The following CADM2 variants were observed in gnomAD, a reference collection of about 807,000 sequenced individuals.
The protein encoded by CADM2 is immunoglobulin superfamily member 4D.
In CADM2, 12 loss-of-function variants were observed where a neutral mutation model predicts 49.8. The observed-to-expected ratio is 0.24, with a 90% CI of 0.15 to 0.39. The LOEUF (loss-of-function observed/expected upper bound fraction) is 0.39, where lower values mean the gene tolerates loss of function less well. Among genes scored for constraint, CADM2 ranks in the 10% least tolerant of loss-of-function variants. The pLI is 1.00. For synonymous variants in CADM2, 214 were observed against 175.4 expected (o/e 1.22, Z -1.74); for missense variants, 378 against 492.3 (o/e 0.77, Z 2.20).
intron 2 of CADM2, among the ~76,000 whole-genome samples, chr3:85,786,719 G>T (rs961252736): frequency 7.9e-5 from 12 of 151,906 alleles, no homozygotes; most frequent in African/African-American, 2.7e-4. Context: ...CATGTCTAAG[G>T]CAGTATCTTA....
chr3:85,504,844 C>G (rs13084531), intron 1 of CADM2, among the ~76,000 whole-genome samples: 25,653 of 152,186 alleles, frequency 0.17, 2,678 homozygotes, highest in Non-Finnish European at 0.23. Context: ...TAAGGCCCGG[C>G]GAGAAATAGA....
rs117201962 is a variant in CADM2 at position 84,989,016 on chromosome 3, A to G, written c.61+29348A>G. 5.5e-3 allele frequency among the ~76,000 whole-genome samples: 845 copies of G among 152,294 alleles called. 6 individuals carry two copies. The highest frequency in any genetic ancestry group is 0.024 in the Admixed American group (363 of 15,296). On this transcript the variant is annotated intron_variant, in intron 1 of 9. Coordinates refer to ENST00000383699, the MANE Select transcript of CADM2 (RefSeq NM_001167675.2). ...GAACAAGAGGCAAAGTAAAGACAGA[A>G]CAGTATCCAGTTAAGGTGCCATTCA...
At chr3:85,929,626 A>T (rs1156546032) in intron 6 of CADM2, among the ~76,000 whole-genome samples, 1 of 152,036 alleles carries the variant, frequency 6.6e-6, no homozygotes, top group African/African-American at 2.4e-5. Context: ...TTTGATATGT[A>T]ACAAAATAAA....
At chr3:85,577,852 C>T (rs899970967) in intron 1 of CADM2, among the ~76,000 whole-genome samples, 4 of 151,850 alleles carry the variant, frequency 2.6e-5, no homozygotes, top group African/African-American at 9.7e-5. Context: ...AAATGGAGAA[C>T]AAGTATAAGA....
intron 3 of CADM2, among the ~76,000 whole-genome samples, chr3:85,877,321 T>A (rs1712021410): frequency 6.6e-6 from 1 of 152,154 alleles, no homozygotes; most frequent in Non-Finnish European, 1.5e-5. Context: ...TGTTTGAGTT[T>A]TTAGTTTATT....
At chr3:85,188,034 A>T in intron 1 of CADM2, among the ~76,000 whole-genome samples, 1 of 152,132 alleles carries the variant, frequency 6.6e-6, no homozygotes, top group Middle Eastern at 3.5e-3. Context: ...TTTAACATAT[A>T]AATTAATATT....
At chr3:85,373,861 G>C (rs1466173143) in intron 1 of CADM2, among the ~76,000 whole-genome samples, 2 of 152,108 alleles carry the variant, frequency 1.3e-5, no homozygotes, top group African/African-American at 2.4e-5. Flanking sequence ...CAAGTCCCCA[G>C]ACTGTACAAA....
intron 1 of CADM2, among the ~76,000 whole-genome samples, chr3:85,079,731 A>G (rs982032490): frequency 6.6e-6 from 1 of 151,970 alleles, no homozygotes; most frequent in South Asian, 2.1e-4. Context: ...TTACATAGCA[A>G]TAGCTTGAAG....
At chr3:85,462,583 T>C (rs1361145975) in intron 1 of CADM2, among the ~76,000 whole-genome samples, 1 of 152,148 alleles carries the variant, frequency 6.6e-6, no homozygotes, top group Non-Finnish European at 1.5e-5. Flanking sequence ...CGTTTTATTC[T>C]AAATCATTCC....
intron 1 of CADM2, among the ~76,000 whole-genome samples, chr3:85,351,097 A>G (rs2031296412): frequency 6.6e-6 from 1 of 152,180 alleles, no homozygotes; most frequent in African/African-American, 2.4e-5. Context: ...CTGGAAGGGC[A>G]TATGAACATT....
chr3:85,156,304 C>T (rs2040120250), intron 1 of CADM2, among the ~76,000 whole-genome samples: 1 of 151,970 alleles, frequency 6.6e-6, no homozygotes, highest in African/African-American at 2.4e-5. Context: ...CACCACCGAT[C>T]CCATAGAAAT....
At chr3:85,817,766 C>T (rs1175458139) in intron 3 of CADM2, among the ~76,000 whole-genome samples, 1 of 151,996 alleles carries the variant, frequency 6.6e-6, no homozygotes, top group East Asian at 1.9e-4. Context: ...TGAGCCGAGA[C>T]TGCACCACTG....
At chr3:86,036,487 A>G (rs1735179764) in intron 8 of CADM2, among the ~76,000 whole-genome samples, 1 of 152,078 alleles carries the variant, frequency 6.6e-6, no homozygotes, top group Non-Finnish European at 1.5e-5. Context: ...TTCCAAATAT[A>G]GTGAAAATGG....
At position 85,534,635 on chromosome 3, in the gene CADM2, A is replaced by G. The variant is rs576761582; in HGVS notation, c.62-191887A>G. The stretch of plus-strand genomic sequence containing the variant: ...ACCTCCCACAAAATCTAAAATATTT[A>G]CTATCTGGCCCTTTGCAAAAGACAT... On this transcript the variant is annotated intron_variant, in intron 1 of 9. Coordinates refer to ENST00000383699, the MANE Select transcript of CADM2 (RefSeq NM_001167675.2). Among the ~76,000 whole-genome samples the G allele has an allele frequency of 2.6e-5, 4 of 152,316 alleles. No homozygotes were observed. The East Asian group carries it at 5.8e-4, about 22-fold the overall frequency.
chr3:85,962,556 T>A (rs766737161), intron 8 of CADM2, among the ~76,000 whole-genome samples: 1 of 151,978 alleles, frequency 6.6e-6, no homozygotes, highest in Admixed American at 6.6e-5. Flanking sequence ...TTTTCCAACT[T>A]TCAAATGCCA....
intron 1 of CADM2, among the ~76,000 whole-genome samples, chr3:85,360,552 T>C (rs962548457): frequency 8.5e-5 from 13 of 152,192 alleles, no homozygotes; most frequent in African/African-American, 2.9e-4. Context: ...AATGAGTTAA[T>C]CAGTTTCCTT....
At chr3:85,377,265 G>A (rs1360969418) in intron 1 of CADM2, among the ~76,000 whole-genome samples, 4 of 152,076 alleles carry the variant, frequency 2.6e-5, no homozygotes, top group Admixed American at 2.0e-4. Context: ...AAGCTGTAAA[G>A]TTCTCATGGT....
chr3:85,847,346 A>T (rs904049224), intron 3 of CADM2, among the ~76,000 whole-genome samples: 3 of 152,214 alleles, frequency 2.0e-5, no homozygotes, highest in Admixed American at 2.0e-4. Flanking sequence ...AACCATTTTC[A>T]CCATAGTGAT....
intron 1 of CADM2, among the ~76,000 whole-genome samples, chr3:85,211,474 A>G (rs780136998): frequency 5.9e-5 from 9 of 152,020 alleles, no homozygotes; most frequent in Admixed American, 1.3e-4. Context: ...TTATAGGTTT[A>G]GTATGCTGTG....
Sources: allele counts gnomAD v4.1 joint callset (sites outside exome capture counted in the v4.1 genomes callset), GRCh38; gene constraint gnomAD v4.1.1; transcripts MANE v1.5; gene names NCBI Gene and HGNC (gene_info 2026-07-23, HGNC 2026-07-21).